PHF14: variants seen among roughly 807,000 people sequenced by gnomAD.
The protein encoded by PHF14 is PHD finger protein 14.
A neutral mutation model predicts 117.9 loss-of-function variants in PHF14; 55 were observed. That is an observed-to-expected ratio of 0.47 (90% CI 0.38 to 0.58). The LOEUF (loss-of-function observed/expected upper bound fraction) is 0.58. Among genes scored for constraint, PHF14 ranks in the 20% least tolerant of loss-of-function variants. The probability of loss-of-function intolerance (pLI) is 0.00; values close to 1 mark genes in which losing one functional copy is unlikely to be tolerated. For synonymous variants in PHF14, 409 were observed against 368.6 expected (o/e 1.11, Z -1.26); for missense variants, 978 against 1,122.2 (o/e 0.87, Z 1.84).
chr7:11,074,562 T>G (rs1185691699), intron 16 of PHF14, among the ~76,000 whole-genome samples: 1 of 152,184 alleles, frequency 6.6e-6, no homozygotes, highest in Non-Finnish European at 1.5e-5. Flanking sequence ...ATTCATAGGC[T>G]GTTATAAGCA....
At chr7:11,052,090 C>G (rs1784867694) in intron 14 of PHF14, among the ~76,000 whole-genome samples, 2 of 152,180 alleles carry the variant, frequency 1.3e-5, no homozygotes, top group African/African-American at 2.4e-5. Flanking sequence ...CTTTATCTGT[C>G]TAGCCCAGAG....
intron 4 of PHF14, among the ~76,000 whole-genome samples, chr7:11,001,867 T>C (rs1020734618): frequency 6.6e-6 from 1 of 152,236 alleles, no homozygotes; most frequent in East Asian, 1.9e-4. Flanking sequence ...TTCCCTTTCT[T>C]GTCTTATTAC....
intron 17 of PHF14, among the ~76,000 whole-genome samples, chr7:11,116,199 T>C (rs1787597326): frequency 6.6e-6 from 1 of 152,026 alleles, no homozygotes; most frequent in Admixed American, 6.6e-5. Flanking sequence ...TTGACATGAT[T>C]CCGCCAATCT....
chr7:11,136,603 C>G (rs1583493360), intron 17 of PHF14, among the ~76,000 whole-genome samples: 1 of 152,014 alleles, frequency 6.6e-6, no homozygotes. Flanking sequence ...ATGTTCTATT[C>G]TAACATCCTA....
chr7:10,986,010 C>T (rs1782213253), intron 3 of PHF14, among the ~76,000 whole-genome samples: 1 of 151,728 alleles, frequency 6.6e-6, no homozygotes, highest in African/African-American at 2.4e-5. Flanking sequence ...GCTTTGTTTC[C>T]TGGACTGGGG....
At chr7:11,119,082 G>A (rs1455412885) in intron 17 of PHF14, among the ~76,000 whole-genome samples, 2 of 151,870 alleles carry the variant, frequency 1.3e-5, no homozygotes, top group East Asian at 1.9e-4. Flanking sequence ...ATGTGGCCTG[G>A]TGCATTTACA....
intron 17 of PHF14, among the ~76,000 whole-genome samples, chr7:11,115,860 A>G (rs1406102637): frequency 1.3e-5 from 2 of 151,988 alleles, no homozygotes; most frequent in Non-Finnish European, 2.9e-5. Context: ...TTCACTGTGC[A>G]TTTTTCAAAT....
At chr7:11,042,656 A>G in intron 12 of PHF14, 27 bp from the exon 13 acceptor site, 1 of 1,501,916 alleles carries the variant, frequency 6.7e-7, no homozygotes, top group African/African-American at 1.4e-5. Flanking sequence ...TATTATTGAA[A>G]TCTTTACTTG....
At chr7:11,032,265 A>G (rs183875453) in intron 7 of PHF14, among the ~76,000 whole-genome samples, 56 of 152,310 alleles carry the variant, frequency 3.7e-4, no homozygotes, top group Middle Eastern at 3.4e-3. Flanking sequence ...ATGCATAATT[A>G]AGAAGATAAG....
In PHF14 at chr7:11,028,772, C is replaced by T; in HGVS notation, c.1409C>T (p.Thr470Ile). ...ATGTGCAGAGCCTATTTCCATGTGACCTGTGCTCAAAAGGAAGGTCTGCTT... is the reference window on the plus strand; with the variant it reads ...ATGTGCAGAGCCTATTTCCATGTGATCTGTGCTCAAAAGGAAGGTCTGCTT... ...AGMCRAYFHV[T>I]CAQKEGLLSE... Residue 470 changes from threonine to isoleucine, a missense_variant, in exon 7 of 18, where the codon ACC becomes ATC. By Grantham distance (89) the Thr-to-Ile change is moderately conservative. Around this residue, in one of 7 missense-constraint regions of PHF14, gnomAD observed 23 missense variants for 66.8 expected, o/e 0.34. Transcript: ENST00000634607. The T allele has an allele frequency of 6.2e-7, 1 of 1,613,644 alleles. No individual in the cohort carries two copies. The highest frequency in any genetic ancestry group is 8.5e-7 in the Non-Finnish European group (1 of 1,179,684).
intron 16 of PHF14, 21 bp from the exon 17 acceptor site, chr7:11,111,329 A>G (rs549948883): frequency 1.1e-5 from 13 of 1,192,902 alleles, no homozygotes; most frequent in Non-Finnish European, 1.5e-5. Flanking sequence ...ACACCTACCT[A>G]TAAATCTGTT....
At chr7:11,039,076 G>T (rs1784416701) in intron 11 of PHF14, among the ~76,000 whole-genome samples, 1 of 152,100 alleles carries the variant, frequency 6.6e-6, no homozygotes, top group East Asian at 1.9e-4. Flanking sequence ...CAGCTATCTT[G>T]TGTGCAAAAT....
chr7:11,014,184 A>G (rs921979586), intron 5 of PHF14, among the ~76,000 whole-genome samples: 2 of 152,172 alleles, frequency 1.3e-5, no homozygotes, highest in Admixed American at 6.5e-5. Context: ...TTATAGGTGT[A>G]TAGTACCCAG....
intron 4 of PHF14, among the ~76,000 whole-genome samples, chr7:11,013,437 C>T (rs1783421862): frequency 6.6e-6 from 1 of 152,194 alleles, no homozygotes; most frequent in Non-Finnish European, 1.5e-5. Flanking sequence ...GCTGGGAATA[C>T]AGGCATGAGC....
At chr7:11,013,554 T>G (rs1413254021) in intron 4 of PHF14, among the ~76,000 whole-genome samples, 193 bp from the exon 5 acceptor site, 1 of 152,210 alleles carries the variant, frequency 6.6e-6, no homozygotes, top group Non-Finnish European at 1.5e-5. Flanking sequence ...ATGTCATTTA[T>G]TTCATTGTGT....
intron 16 of PHF14, among the ~76,000 whole-genome samples, chr7:11,101,186 C>A (rs1380664793): frequency 6.6e-6 from 1 of 151,864 alleles, no homozygotes; most frequent in Non-Finnish European, 1.5e-5. Flanking sequence ...TTTTATCAAA[C>A]TTATCAACTT....
intron 6 of PHF14, among the ~76,000 whole-genome samples, chr7:11,023,575 C>T (rs1489946587): frequency 6.6e-6 from 1 of 152,156 alleles, no homozygotes; most frequent in Admixed American, 6.5e-5. Context: ...GCCTGTTATC[C>T]CAGCACTTCG....
chr7:11,069,215 A>G (rs1207993167), intron 16 of PHF14, among the ~76,000 whole-genome samples: 1 of 152,070 alleles, frequency 6.6e-6, no homozygotes, highest in African/African-American at 2.4e-5. Context: ...CCCAACCCCA[A>G]CCAGCACCCC....
chr7:11,128,708 C>T (rs1014933165), intron 17 of PHF14, among the ~76,000 whole-genome samples: 3 of 151,672 alleles, frequency 2.0e-5, no homozygotes, highest in African/African-American at 4.8e-5. Flanking sequence ...CTCCCCCCGC[C>T]CCCACTGCTT....
Sources: gnomAD v4.1 joint callset for allele counts (sites outside exome capture counted in the v4.1 genomes callset) on GRCh38, gnomAD v4.1.1 for gene constraint, gnomAD v4.1.1 regional missense constraint, MANE v1.5 for transcripts, NCBI Gene and HGNC (gene_info 2026-07-23, HGNC 2026-07-21) for gene names.